Variants in CELA2A observed in about 807,000 individuals in gnomAD.
The protein encoded by CELA2A is chymotrypsin-like elastase family member 2A.
A neutral mutation model predicts 35.3 loss-of-function variants in CELA2A; 31 were observed. The observed-to-expected ratio is 0.88, with a 90% CI of 0.66 to 1.19. CELA2A has a LOEUF of 1.19. Among genes scored for constraint, CELA2A ranks in the 50% most tolerant of loss-of-function variants. The pLI is 0.00. For missense variants in CELA2A, 330 were observed against 352.9 expected (o/e 0.94, Z 0.52); for synonymous variants, 150 against 149.8 (o/e 1.00, Z -0.01).
In CELA2A at chr1:15,461,577, G is replaced by A; in HGVS notation, c.146G>A (p.Ser49Asn). 1.9e-6 allele frequency: 3 copies of A among 1,612,262 alleles called. No individual in the cohort carries two copies. Among genetic ancestry groups the A allele is most frequent in the South Asian group, 1.1e-5 (1 of 91,000 alleles). Residue 49 changes from serine (S) to asparagine (N), a missense_variant, in exon 3 of 8, where the codon AGC becomes AAC. Transcript: ENST00000359621. ...TCTCCCCAGGTCTCCCTGCAGTACA[G>A]CTCCAATGGCAAGTGGTACCACACC... ...SWPWQVSLQYSSNGKWYHTCG... is the reference protein window; with the variant it reads ...SWPWQVSLQYNSNGKWYHTCG...
intron 4 of CELA2A, chr1:15,463,121 A>G (rs543081598): frequency 6.0e-5 from 43 of 712,158 alleles, no homozygotes; most frequent in East Asian, 2.4e-4. Flanking sequence ...TCCGCTGAGC[A>G]TGTATCTACT....
intron 2 of CELA2A, 119 bp from the exon 3 acceptor site, chr1:15,461,442 C>A: frequency 1.0e-6 from 1 of 1,002,200 alleles, no homozygotes; most frequent in Non-Finnish European, 1.5e-6. Context: ...AAGTTGTGCA[C>A]ATGAGGCGAC....
intron 7 of CELA2A, among the ~76,000 whole-genome samples, chr1:15,471,285 G>A (rs749455735): frequency 1.3e-5 from 2 of 152,168 alleles, no homozygotes; most frequent in South Asian, 2.1e-4. Flanking sequence ...GGTGGCTCAC[G>A]CCTGTAATCT....
rs377600147 is a variant in CELA2A, at chr1:15,463,419, C to G, written c.390C>G (p.Pro130=). The change falls in exon 5 of 8, where the codon CCC becomes CCG. Residue 130 remains proline (P), a synonymous_variant. Transcript: ENST00000359621. Reference sequence around the variant, plus strand: ...TTGCCCTGCTCAAACTGGCTAACCCCGTCTCCCTCACCGACAAGATCCAGC... The same window carrying G: ...TTGCCCTGCTCAAACTGGCTAACCCGGTCTCCCTCACCGACAAGATCCAGC... The part of the protein sequence containing the change: ...NDIALLKLAN[P]VSLTDKIQLA... 6.2e-7 allele frequency: 1 copy of G among 1,613,916 alleles called. No homozygotes were observed. Among genetic ancestry groups the G allele is most frequent in the African/African-American group, 1.3e-5 (1 of 75,038 alleles).
At chr1:15,463,825 G>A (rs1160455731) in intron 5 of CELA2A, among the ~76,000 whole-genome samples, 1 of 151,988 alleles carries the variant, frequency 6.6e-6, no homozygotes, top group Non-Finnish European at 1.5e-5. Context: ...CCATCCCGCG[G>A]ATCACTTGAG....
chr1:15,465,157 G>A (rs1170924356), intron 5 of CELA2A, among the ~76,000 whole-genome samples: 3 of 151,718 alleles, frequency 2.0e-5, no homozygotes, highest in South Asian at 2.1e-4. Context: ...CATTATAGGC[G>A]AGTGCCACCA....
Position 15,463,124 on chromosome 1 carries a change from T to A in CELA2A, c.357-262T>A, listed in dbSNP as rs1411722170. 6 of 709,402 alleles carry A rather than the reference T, an allele frequency of 8.5e-6. No individual in the cohort carries two copies. In the East Asian group the frequency reaches 1.6e-4, roughly 19 times the overall value. The allele number at this position is 709,402 out of a possible 1,614,324, so 43.9% of individuals were successfully genotyped here. ...GCAGGGCCCCTGTCCGCTGAGCATG[T>A]ATCTACTTCATGCCAGGTCCTGGGG... On this transcript the variant is annotated intron_variant, in intron 4 of 7. Coordinates refer to ENST00000359621, the MANE Select transcript of CELA2A (RefSeq NM_033440.3).
chr1:15,463,611 C>T (rs1208476694), intron 5 of CELA2A, 89 bp downstream of exon 5: 114 of 1,588,326 alleles, frequency 7.2e-5, no homozygotes, highest in Non-Finnish European at 9.0e-5. Context: ...CACCTGTCAT[C>T]CCAGGGTGTG....
At chr1:15,461,679 G>A (rs373809860) in intron 3 of CELA2A, 21 bp downstream of exon 3, 45 of 1,613,858 alleles carry the variant, frequency 2.8e-5, no homozygotes, top group Admixed American at 6.7e-5. Flanking sequence ...TTCCCTGGGC[G>A]CTTGGCCTGC....
chr1:15,458,447 T>A (rs1430617762), intron 2 of CELA2A, among the ~76,000 whole-genome samples: 1 of 152,200 alleles, frequency 6.6e-6, no homozygotes, highest in East Asian at 1.9e-4. Flanking sequence ...ATTACAAGCA[T>A]AATTGATATA....
In CELA2A at chr1:15,457,165, G is replaced by T; in HGVS notation, c.120G>T (p.Trp40Cys). 2.5e-6 allele frequency: 4 copies of T among 1,614,124 alleles called. No individual in the cohort carries two copies. Among genetic ancestry groups the T allele is most frequent in the Non-Finnish European group, 3.4e-6 (4 of 1,180,008 alleles). The change falls in exon 2 of 8, where the codon TGG becomes TGT. Residue 40 changes from tryptophan to cysteine, a missense_variant. Coordinates refer to ENST00000359621, the MANE Select transcript of CELA2A (RefSeq NM_033440.3). ...GTGAAGAAGCGAGGCCCAACAGCTG[G>T]CCCTGGCAGGTGAGTTGACCACACT... ...VGGEEARPNSWPWQVSLQYSS... is the reference protein window; with the variant it reads ...VGGEEARPNSCPWQVSLQYSS...
intron 1 of CELA2A, 136 bp from the exon 2 acceptor site, chr1:15,456,950 A>C: frequency 1.6e-6 from 2 of 1,290,162 alleles, no homozygotes; most frequent in Non-Finnish European, 2.2e-6. Flanking sequence ...ATTGGAGCAA[A>C]GAGCAGGATT....
At chr1:15,457,976 G>A (rs1459933597) in intron 2 of CELA2A, among the ~76,000 whole-genome samples, 2 of 152,172 alleles carry the variant, frequency 1.3e-5, no homozygotes, top group African/African-American at 2.4e-5. Context: ...TTACTCAGAC[G>A]TGTTAATGGT....
At chr1:15,471,512 C>T (rs1708593681) in intron 7 of CELA2A, among the ~76,000 whole-genome samples, 1 of 151,952 alleles carries the variant, frequency 6.6e-6, no homozygotes, top group Admixed American at 6.6e-5. Flanking sequence ...CGCCCTACTG[C>T]ACTCCAGCCT....
chr1:15,457,004 G>A, intron 1 of CELA2A, 82 bp from the exon 2 acceptor site: 1 of 1,401,930 alleles, frequency 7.1e-7, no homozygotes. Flanking sequence ...TTTTCTATTT[G>A]GGGGGTCAGA....
intron 5 of CELA2A, among the ~76,000 whole-genome samples, chr1:15,464,809 G>A (rs1001680998): frequency 2.0e-5 from 3 of 151,972 alleles, no homozygotes; most frequent in Admixed American, 6.6e-5. Flanking sequence ...TTGGCTTTTC[G>A]GCCCAGCTCT....
Position 15,462,765 on chromosome 1 carries a change from G to A in CELA2A, c.260G>A (p.Arg87Gln), listed in dbSNP as rs146661868. Residue 87 changes from arginine to glutamine, a missense_variant, in exon 4 of 8, where the codon CGG becomes CAG. Arg to Gln is a conservative substitution (Grantham distance 43). Transcript: ENST00000359621. ...SSRTYRVGLGRHNLYVAESGS... is the reference protein window; with the variant it reads ...SSRTYRVGLGQHNLYVAESGS... ...AGGACCTACCGCGTGGGGCTGGGCCGGCACAACCTCTACGTTGCGGAGTCC... is the reference window on the plus strand; with the variant it reads ...AGGACCTACCGCGTGGGGCTGGGCCAGCACAACCTCTACGTTGCGGAGTCC... 2.3e-4 allele frequency: 368 copies of A among 1,614,040 alleles called. 1 individual carries two copies. In the African/African-American group the frequency reaches 4.1e-3, roughly 18 times the overall value.
chr1:15,462,679 A>C, intron 3 of CELA2A, 54 bp from the exon 4 acceptor site: 4 of 1,605,638 alleles, frequency 2.5e-6, no homozygotes, highest in Non-Finnish European at 3.4e-6. Flanking sequence ...CCCCAGCATT[A>C]TCCAAAGCCA....
intron 7 of CELA2A, among the ~76,000 whole-genome samples, chr1:15,469,007 G>A (rs72865184): frequency 6.6e-6 from 1 of 151,948 alleles, no homozygotes; most frequent in Non-Finnish European, 1.5e-5. Context: ...GGGAAACCCC[G>A]TCTCTACTAA....
Sources: gnomAD v4.1 joint callset for allele counts (sites outside exome capture counted in the v4.1 genomes callset) on GRCh38, gnomAD v4.1.1 for gene constraint, MANE v1.5 for transcripts, NCBI Gene and HGNC (gene_info 2026-07-23, HGNC 2026-07-21) for gene names.